The following TRIM46 variants were observed in gnomAD, a reference collection of about 807,000 sequenced individuals.
The protein encoded by TRIM46 is tripartite motif-containing protein 46.
TRIM46 carries 17 observed loss-of-function variants against 69.7 expected under a neutral mutation model. The observed-to-expected ratio is 0.24, with a 90% CI of 0.17 to 0.37. TRIM46 has a LOEUF of 0.37. Among genes scored for constraint, TRIM46 ranks in the 10% least tolerant of loss-of-function variants. TRIM46 has a pLI of 1.00. For missense variants in TRIM46, 675 were observed against 1,025.1 expected (o/e 0.66, Z 4.66); for synonymous variants, 391 against 429.0 (o/e 0.91, Z 1.09).
chr1:155,175,844 C>G lies in TRIM46; in HGVS notation c.326-44C>G. 2 of 1,583,838 alleles carry G rather than the reference C, an allele frequency of 1.3e-6. No homozygotes were observed. The highest frequency in any genetic ancestry group is 2.3e-5 in the South Asian group (2 of 87,892). Reference sequence around the variant, plus strand: ...TTAAACAGGCTTCCCCACACCCAGCCAGCTGTAACTCTCATGTCCTCTACC... The same window carrying G: ...TTAAACAGGCTTCCCCACACCCAGCGAGCTGTAACTCTCATGTCCTCTACC... On this transcript the variant is annotated intron_variant, in intron 2 of 9. Transcript: ENST00000334634. The surrounding 1 kb of genome is among the most constrained non-coding windows in gnomAD (Gnocchi z 4.2).
Position 155,175,735 on chromosome 1 carries a change from T to C in TRIM46, c.325+88T>C. 2 of 1,604,062 alleles carry C rather than the reference T, an allele frequency of 1.2e-6. No individual in the cohort carries two copies. The highest frequency in any genetic ancestry group is 1.1e-5 in the South Asian group (1 of 90,886). ...AAGTCCATCACTGGTCAGAGGCATC[T>C]GTCTGTCTTTCTGGGGGGTGGAGAT... On this transcript the variant is annotated intron_variant, in intron 2 of 9. Transcript: ENST00000334634. The surrounding 1 kb of genome is among the most constrained non-coding windows in gnomAD (Gnocchi z 4.2).
rs770662911 is a variant in TRIM46 at position 155,175,342 on chromosome 1, C to T, written c.64-44C>T. 7 of 1,609,156 alleles carry T rather than the reference C, an allele frequency of 4.4e-6. No individual in the cohort carries two copies. The highest frequency in any genetic ancestry group is 5.1e-6 in the Non-Finnish European group (6 of 1,178,376). On this transcript the variant is annotated intron_variant, in intron 1 of 9. Transcript: ENST00000334634. This position sits in a 1 kb window ranked among gnomAD's most constrained non-coding sequence, Gnocchi z 4.2. ...GCAGCCAAGGGGCTGCTGAGGTATG[C>T]CTAAGTGTCCAAGCGCTGACCTAGC... is the stretch of plus-strand genomic sequence containing the variant.
Position 155,175,714 on chromosome 1 carries a change from C to A in TRIM46, c.325+67C>A. 1 of 1,608,636 alleles carries A rather than the reference C, an allele frequency of 6.2e-7. No individual in the cohort carries two copies. The highest frequency in any genetic ancestry group is 1.1e-5 in the South Asian group (1 of 90,988). On this transcript the variant is annotated intron_variant, in intron 2 of 9. Coordinates refer to ENST00000334634, the MANE Select transcript of TRIM46 (RefSeq NM_025058.5). The surrounding 1 kb of genome is among the most constrained non-coding windows in gnomAD (Gnocchi z 4.2). ...TATTCATCAGGAAGATGGAAGAAGT[C>A]CATCACTGGTCAGAGGCATCTGTCT...
rs1380409393 is a variant in TRIM46, at chr1:155,183,901, G to A, written c.1991G>A (p.Gly664Glu). ...ATTGGCATGGGCAAGATCCTGCTGG[G>A]GTCGGGGGCAAGCTCAAACGCAGGG... ...LTIGMGKILLGSGASSNAGLT... is the reference protein window; with the variant it reads ...LTIGMGKILLESGASSNAGLT... The change falls in exon 10 of 10, where the codon GGG (glycine) becomes GAG (glutamate). Residue 664 changes from glycine to glutamate, a missense_variant. Coordinates refer to ENST00000334634, the MANE Select transcript of TRIM46 (RefSeq NM_025058.5). 3 of 1,613,698 alleles carry A rather than the reference G, an allele frequency of 1.9e-6. No homozygotes were observed. In the East Asian group the frequency reaches 6.7e-5, roughly 36 times the overall value.
In TRIM46 at chr1:155,181,775, C is replaced by G; in HGVS notation, c.1589-77C>G. 2 of 1,510,848 alleles carry G rather than the reference C, an allele frequency of 1.3e-6. No individual in the cohort carries two copies. The highest frequency in any genetic ancestry group is 1.8e-6 in the Non-Finnish European group (2 of 1,111,634). The allele number at this position is 1,510,848 out of a possible 1,614,324, so 93.6% of individuals were successfully genotyped here. A position where few individuals can be genotyped will look rare whatever the true frequency, so the allele number is the denominator to read the frequency against. On this transcript the variant is annotated intron_variant, in intron 8 of 9. Transcript: ENST00000334634. The surrounding 1 kb of genome is among the most constrained non-coding windows in gnomAD (Gnocchi z 4.3). ...ACCCCCTTGCAACGCGTTCCCTGTTCTGCAGTCTCACAGCCCCCAGTGCCA... is the reference window on the plus strand; with the variant it reads ...ACCCCCTTGCAACGCGTTCCCTGTTGTGCAGTCTCACAGCCCCCAGTGCCA...
chr1:155,174,156 CG>C, intron 1 of TRIM46, 127 bp downstream of exon 1: 1 of 1,139,996 alleles, frequency 8.8e-7, no homozygotes, highest in East Asian at 2.6e-5. Context: ...ATGGCAGAAA[CG>C]GCTGGGAGGG....
Position 155,175,824 on chromosome 1 carries a change from C to G in TRIM46, c.326-64C>G. On this transcript the variant is annotated intron_variant, in intron 2 of 9. Transcript: ENST00000334634. The surrounding 1 kb of genome is among the most constrained non-coding windows in gnomAD (Gnocchi z 4.2). ...ACAATGAAAATCTAATTTAATTAAACAGGCTTCCCCACACCCAGCCAGCTG... is the reference window on the plus strand; with the variant it reads ...ACAATGAAAATCTAATTTAATTAAAGAGGCTTCCCCACACCCAGCCAGCTG... 6.3e-7 allele frequency: 1 copy of G among 1,577,350 alleles called. No individual in the cohort carries two copies.
Position 155,175,570 on chromosome 1 carries a change from C to T in TRIM46, c.248C>T (p.Thr83Ile). The T allele has an allele frequency of 1.2e-6, 2 of 1,613,678 alleles. No homozygotes were observed. Residue 83 changes from threonine (T) to isoleucine (I), a missense_variant, in exon 2 of 10, where the codon ACC becomes ATC. Thr to Ile is a moderately conservative substitution (Grantham distance 89). This residue lies in a region of TRIM46 where 170 missense variants were observed against 255.6 expected (regional missense o/e 0.67). Transcript: ENST00000334634. This position sits in a 1 kb window ranked among gnomAD's most constrained non-coding sequence, Gnocchi z 4.2. Reference protein sequence around the residue: ...PSSEPTSPASTPSTRSPRLSR... With the variant: ...PSSEPTSPASIPSTRSPRLSR... ...TCCGAGCCCACCTCTCCTGCCTCCA[C>T]CCCTTCCACCCGCAGCCCCCGCCTC...
chr1:155,178,926 C>G (rs1485623511), intron 7 of TRIM46: 13 of 1,077,430 alleles, frequency 1.2e-5, no homozygotes, highest in Non-Finnish European at 1.4e-5. Flanking sequence ...GCATCTCAGC[C>G]AACCACTCAT....
chr1:155,174,777 G>T (rs1227923742), intron 1 of TRIM46: 2 of 1,463,822 alleles, frequency 1.4e-6, no homozygotes, highest in Non-Finnish European at 1.8e-6. Flanking sequence ...GGGTGCCGCT[G>T]ACCGGGTTGC....
intron 1 of TRIM46, chr1:155,174,590 C>T: frequency 6.5e-7 from 1 of 1,527,030 alleles, no homozygotes; most frequent in Non-Finnish European, 8.8e-7. Flanking sequence ...TTCCTCCCTC[C>T]TTTGTGTCAG....
chr1:155,182,973 C>G (rs187128387), intron 9 of TRIM46: 1 of 148,064 alleles, frequency 6.8e-6, no homozygotes, highest in Non-Finnish European at 1.5e-5. Flanking sequence ...TCTAGCGGCG[C>G]GATCTCCGCT....
chr1:155,184,639 C>T lies in TRIM46; in HGVS notation c.*449C>T, dbSNP rs934183128. 1.2e-5 allele frequency: 2 copies of T among 166,360 alleles called. No individual in the cohort carries two copies. The highest frequency in any genetic ancestry group is 5.7e-5 in the Admixed American group (1 of 17,550). 10.3% of individuals were successfully genotyped at this position (166,360 alleles called of 1,614,324 possible). A position where few individuals can be genotyped will look rare whatever the true frequency, so the allele number is the denominator to read the frequency against. ...GGGACAGGCAGGCTTTGGGGCTGGA[C>T]GCTGTCCAGGCATTCCTGGTGAGGG... On this transcript the variant is annotated 3_prime_UTR_variant, in exon 10 of 10. Coordinates refer to ENST00000334634, the MANE Select transcript of TRIM46 (RefSeq NM_025058.5). The surrounding 1 kb of genome is among the most constrained non-coding windows in gnomAD (Gnocchi z 5.6).
rs921285519 is a variant in TRIM46 at position 155,176,809 on chromosome 1, C to T, written c.670-123C>T. 7.1e-6 allele frequency: 9 copies of T among 1,264,194 alleles called. No individual in the cohort carries two copies. The African/African-American group carries it at 1.2e-4, about 17-fold the overall frequency. The allele number at this position is 1,264,194 out of a possible 1,614,324, so 78.3% of individuals were successfully genotyped here. A position where few individuals can be genotyped will look rare whatever the true frequency, so the allele number is the denominator to read the frequency against. On this transcript the variant is annotated intron_variant, in intron 3 of 9. Transcript: ENST00000334634. ...TACCACCAGGTGGCACTGTGGAGCACCACCAGCGGATGTCTCCACTCCCAT... is the reference window on the plus strand; with the variant it reads ...TACCACCAGGTGGCACTGTGGAGCATCACCAGCGGATGTCTCCACTCCCAT...
chr1:155,178,739 T>TGGGGCCCCCCCCC, intron 7 of TRIM46, 126 bp downstream of exon 7: 4 of 1,348,466 alleles, frequency 3.0e-6, no homozygotes, highest in Non-Finnish European at 4.1e-6. Flanking sequence ...CAGCCATTCC[T>TGGGGCCCCCCCCC]CCCACCCAGC....
At chr1:155,183,388 A>G (rs1207037588) in intron 9 of TRIM46, among the ~76,000 whole-genome samples, 2 of 147,836 alleles carry the variant, frequency 1.4e-5, no homozygotes, top group Admixed American at 6.8e-5. Context: ...ACACCAATCC[A>G]CCCTCATCTC....
intron 7 of TRIM46, 44 bp from the exon 8 acceptor site, chr1:155,179,588 C>T (rs570027349): frequency 6.5e-7 from 1 of 1,538,544 alleles, no homozygotes; most frequent in Non-Finnish European, 8.8e-7. Flanking sequence ...CCATGCCAGG[C>T]CAGTGGCCAG....
At chr1:155,180,587 T>G (rs1467205096) in intron 8 of TRIM46, 1 of 228,002 alleles carries the variant, frequency 4.4e-6, no homozygotes, top group Non-Finnish European at 8.2e-6. Flanking sequence ...AGAGCAAGAC[T>G]CCGACGTCTC....
chr1:155,175,196 G>T lies in TRIM46; in HGVS notation c.64-190G>T. The stretch of plus-strand genomic sequence containing the variant: ...CCTCTGGGCCTTTAGCTCTGCAGCG[G>T]GGAAAGAGAAGCAAGGGACAGAGGT... On this transcript the variant is annotated intron_variant, in intron 1 of 9. Transcript: ENST00000334634. The surrounding 1 kb of genome is among the most constrained non-coding windows in gnomAD (Gnocchi z 4.2). The T allele has an allele frequency of 6.8e-7, 1 of 1,459,972 alleles. No individual in the cohort carries two copies. Among genetic ancestry groups the T allele is most frequent in the East Asian group, 2.5e-5 (1 of 40,792 alleles). The allele number at this position is 1,459,972 out of a possible 1,614,324, so 90.4% of individuals were successfully genotyped here.
Sources: allele counts gnomAD v4.1 joint callset (sites outside exome capture counted in the v4.1 genomes callset), GRCh38; gene constraint gnomAD v4.1.1; regional missense constraint gnomAD v4.1.1; non-coding constraint Gnocchi (gnomAD v3.1); transcripts MANE v1.5; gene names NCBI Gene and HGNC (gene_info 2026-07-23, HGNC 2026-07-21).